Variants in TBCA observed in about 807,000 individuals in gnomAD.
TBCA encodes tubulin folding cofactor A.
A neutral mutation model predicts 15.8 loss-of-function variants in TBCA; 6 were observed. The ratio of observed to expected loss-of-function variants is 0.38; its 90% CI spans 0.21 to 0.75. The LOEUF is 0.75. Among genes scored for constraint, TBCA ranks in the 30% least tolerant of loss-of-function variants. The probability of loss-of-function intolerance (pLI) is 0.46; values close to 1 mark genes in which losing one functional copy is unlikely to be tolerated. For missense variants in TBCA, 90 were observed against 131.2 expected (o/e 0.69, Z 1.53); for synonymous variants, 32 against 42.3 (o/e 0.76, Z 0.94).
chr5:77,768,995 A>C (rs1747844348), intron 1 of TBCA, among the ~76,000 whole-genome samples: 1 of 152,242 alleles, frequency 6.6e-6, no homozygotes, highest in South Asian at 2.1e-4. Context: ...AAGATCTTTC[A>C]TCTCCACATT....
intron 1 of TBCA, among the ~76,000 whole-genome samples, chr5:77,716,952 T>A (rs1036826555): frequency 2.6e-5 from 4 of 152,202 alleles, no homozygotes; most frequent in African/African-American, 9.6e-5. Flanking sequence ...CAAAGCTACA[T>A]AAGAGACATC....
intron 1 of TBCA, among the ~76,000 whole-genome samples, chr5:77,766,282 T>C (rs1250141424): frequency 6.6e-6 from 1 of 152,154 alleles, no homozygotes; most frequent in Non-Finnish European, 1.5e-5. Flanking sequence ...TTGACAGAAC[T>C]GTAATAATTT....
Position 77,776,236 on chromosome 5 carries a change from G to A in TBCA, c.22C>T (p.Gln8Ter), listed in dbSNP as rs1748024362. Reference protein sequence around the residue: MADPRVRQIKIKTGVVKR... With the variant: MADPRVR ...ACCACGCCGGTCTTGATCTTGATCT[G>A]TCTCACGCGAGGATCGGCCATGGTC... The change falls in exon 1 of 4, where the codon CAG (glutamine) becomes TAG (stop). Residue 8 changes from glutamine (Q) to a stop codon, truncating the protein, a stop_gained. Transcript: ENST00000380377. LOFTEE classifies it high-confidence loss of function. The A allele has an allele frequency of 6.3e-7, 1 of 1,578,682 alleles. No individual in the cohort carries two copies.
At chr5:77,736,493 A>G (rs1746910213) in intron 1 of TBCA, among the ~76,000 whole-genome samples, 1 of 152,194 alleles carries the variant, frequency 6.6e-6, no homozygotes, top group Non-Finnish European at 1.5e-5. Context: ...GGAATTCCAA[A>G]CTTCTAATAA....
chr5:77,726,624 T>C (rs1434193748), intron 1 of TBCA, among the ~76,000 whole-genome samples: 1 of 152,212 alleles, frequency 6.6e-6, no homozygotes, highest in Non-Finnish European at 1.5e-5. Flanking sequence ...TTTAATATTC[T>C]CTGAATTCAT....
At chr5:77,705,923 A>G (rs1746139986) in intron 2 of TBCA, among the ~76,000 whole-genome samples, 1 of 152,182 alleles carries the variant, frequency 6.6e-6, no homozygotes, top group Admixed American at 6.5e-5. Flanking sequence ...AGTATCTGAC[A>G]CACAAATGTC....
intron 1 of TBCA, among the ~76,000 whole-genome samples, chr5:77,744,531 CTTTTTTTTT>C (rs70991305): frequency 2.4e-5 from 2 of 82,968 alleles, no homozygotes; most frequent in Non-Finnish European, 4.3e-5. Flanking sequence ...TCTTATTCAC[CTTTTTTTTT>C]TTTTTTTTTT....
At chr5:77,713,816 A>C (rs979587892) in intron 1 of TBCA, among the ~76,000 whole-genome samples, 5 of 152,186 alleles carry the variant, frequency 3.3e-5, no homozygotes, top group African/African-American at 1.2e-4. Context: ...AGAGAAATGA[A>C]ACACCACAGG....
intron 1 of TBCA, among the ~76,000 whole-genome samples, chr5:77,708,783 A>G (rs1189825658): frequency 6.6e-6 from 1 of 151,852 alleles, no homozygotes; most frequent in Non-Finnish European, 1.5e-5. Flanking sequence ...GTTAGCCAGG[A>G]TGGTCTCAAT....
intron 1 of TBCA, among the ~76,000 whole-genome samples, chr5:77,775,468 G>C (rs1344931207): frequency 1.3e-5 from 2 of 152,100 alleles, no homozygotes; most frequent in Non-Finnish European, 2.9e-5. Flanking sequence ...TGCCCCAACC[G>C]CCTTGGGCAC....
intron 1 of TBCA, among the ~76,000 whole-genome samples, chr5:77,741,827 T>G (rs1235695398): frequency 6.6e-6 from 1 of 152,164 alleles, no homozygotes; most frequent in Non-Finnish European, 1.5e-5. Context: ...AGAACTACCC[T>G]GAGCTACTCT....
chr5:77,706,944 A>G (rs1234951304), intron 2 of TBCA, among the ~76,000 whole-genome samples: 1 of 152,140 alleles, frequency 6.6e-6, no homozygotes, highest in East Asian at 1.9e-4. Context: ...GAGTATCTGG[A>G]TGAGTGGAGG....
intron 1 of TBCA, among the ~76,000 whole-genome samples, chr5:77,719,426 C>T (rs1746479333): frequency 6.6e-6 from 1 of 152,052 alleles, no homozygotes; most frequent in African/African-American, 2.4e-5. Context: ...ACACCCTGAC[C>T]CCAGCCACTC....
chr5:77,772,128 G>A (rs1747929309), intron 1 of TBCA, among the ~76,000 whole-genome samples: 1 of 149,650 alleles, frequency 6.7e-6, no homozygotes, highest in Non-Finnish European at 1.5e-5. Flanking sequence ...ACAAAAGCAA[G>A]AACATGTCTG....
At chr5:77,776,103 G>C in intron 1 of TBCA, 102 bp downstream of exon 1, 1 of 1,448,650 alleles carries the variant, frequency 6.9e-7, no homozygotes, top group Non-Finnish European at 9.4e-7. Flanking sequence ...CCTGGAGTTC[G>C]GAGCCCGCCT....
chr5:77,717,293 C>G (rs1290976707), intron 1 of TBCA, among the ~76,000 whole-genome samples: 2 of 152,200 alleles, frequency 1.3e-5, no homozygotes, highest in African/African-American at 4.8e-5. Context: ...TCACTAACAG[C>G]AGAAGATTGT....
chr5:77,754,350 T>G (rs774202920), intron 1 of TBCA, among the ~76,000 whole-genome samples: 2 of 152,234 alleles, frequency 1.3e-5, no homozygotes, highest in Non-Finnish European at 2.9e-5. Flanking sequence ...AGCTTTGAAT[T>G]AGACAAATTA....
intron 1 of TBCA, among the ~76,000 whole-genome samples, chr5:77,722,093 TG>T (rs1223076525): frequency 1.3e-5 from 2 of 152,088 alleles, no homozygotes; most frequent in Non-Finnish European, 2.9e-5. Context: ...GCAGTCTTCC[TG>T]AACTATTTCT....
chr5:77,740,766 T>G (rs903324939), intron 1 of TBCA, among the ~76,000 whole-genome samples: 1 of 151,902 alleles, frequency 6.6e-6, no homozygotes, highest in Non-Finnish European at 1.5e-5. Flanking sequence ...CTCATTGGAG[T>G]GCTGATGGAG....
Sources: gnomAD v4.1 joint callset for allele counts (sites outside exome capture counted in the v4.1 genomes callset) on GRCh38, gnomAD v4.1.1 for gene constraint, MANE v1.5 for transcripts, NCBI Gene and HGNC (gene_info 2026-07-23, HGNC 2026-07-21) for gene names.